PLCB4: variants seen among roughly 807,000 people sequenced by gnomAD.
PLCB4 encodes 1-phosphatidylinositol 4,5-bisphosphate phosphodiesterase beta-4.
PLCB4 carries 77 observed loss-of-function variants against 178.8 expected under a neutral mutation model. That is an observed-to-expected ratio of 0.43 (90% CI 0.36 to 0.52). PLCB4 has a LOEUF of 0.52. Among genes scored for constraint, PLCB4 ranks in the 20% least tolerant of loss-of-function variants. PLCB4 has a pLI of 0.00. For synonymous variants in PLCB4, 496 were observed against 490.8 expected, an observed-to-expected ratio of 1.01 and a Z score of -0.14; for missense variants, 1,024 against 1,453.4, an observed-to-expected ratio of 0.70 and a Z score of 4.80.
chr20:9,318,551 T>C (rs754257034), intron 4 of PLCB4, among the ~76,000 whole-genome samples: 7 of 152,182 alleles, frequency 4.6e-5, no homozygotes, highest in Non-Finnish European at 7.3e-5. Flanking sequence ...CTGACAGTCA[T>C]ATATGTCTGC....
At chr20:9,365,833 T>C (rs2035730445) in intron 9 of PLCB4, among the ~76,000 whole-genome samples, 1 of 152,214 alleles carries the variant, frequency 6.6e-6, no homozygotes, top group African/African-American at 2.4e-5. Context: ...TTATTTGCCA[T>C]GAGAAACTGT....
At chr20:9,151,574 T>A (rs8118617) in intron 2 of PLCB4, among the ~76,000 whole-genome samples, 3,165 of 152,270 alleles carry the variant, frequency 0.021, 44 homozygotes, top group Non-Finnish European at 0.031. Flanking sequence ...GCTGCCATGT[T>A]AGAAGTGCCT....
At chr20:9,268,252 T>G (rs1314131809) in intron 3 of PLCB4, among the ~76,000 whole-genome samples, 1 of 152,180 alleles carries the variant, frequency 6.6e-6, no homozygotes, top group Non-Finnish European at 1.5e-5. Flanking sequence ...TTTTTGGTTC[T>G]CATTGAACCC....
In PLCB4 at chr20:9,378,938, C is replaced by T. The variant is rs567221105; in HGVS notation, c.745-1116C>T. On this transcript the variant is annotated intron_variant, in intron 12 of 39. Transcript: ENST00000378473. ...AATAGGGAAGGGAAATCCATATGAA[C>T]TTTTAACAGTTGCTTTTTAAATACC... Among the ~76,000 whole-genome samples the T allele has an allele frequency of 1.0e-3, 152 of 152,198 alleles. 2 individuals carry two copies. The highest frequency in any genetic ancestry group is 2.1e-4 in the Non-Finnish European group (14 of 68,004).
intron 5 of PLCB4, 139 bp downstream of exon 5, chr20:9,337,345 G>A (rs1023558065): frequency 4.1e-5 from 27 of 652,960 alleles, no homozygotes; most frequent in Non-Finnish European, 6.7e-5. Context: ...GCCTACATGT[G>A]CCAGGCATTG....
chr20:9,450,496 C>G (rs1479461206), intron 32 of PLCB4, among the ~76,000 whole-genome samples: 1 of 152,132 alleles, frequency 6.6e-6, no homozygotes, highest in Non-Finnish European at 1.5e-5. Context: ...TTTTTCAGGA[C>G]CAGCTTTCCT....
At chr20:9,071,935 G>A (rs1241079335) in intron 1 of PLCB4, among the ~76,000 whole-genome samples, 2 of 152,184 alleles carry the variant, frequency 1.3e-5, no homozygotes, top group Non-Finnish European at 1.5e-5. Flanking sequence ...TACCACAGTT[G>A]AGTCCCTGTA....
intron 36 of PLCB4, among the ~76,000 whole-genome samples, chr20:9,472,328 T>G (rs2044247826): frequency 6.6e-6 from 1 of 152,224 alleles, no homozygotes; most frequent in South Asian, 2.1e-4. Context: ...CTGTGGTTTT[T>G]ATCATCTCTC....
chr20:9,214,560 G>GACACACACACACACAC (rs11474652), intron 2 of PLCB4, among the ~76,000 whole-genome samples: 15 of 145,488 alleles, frequency 1.0e-4, no homozygotes, highest in African/African-American at 3.3e-4. Flanking sequence ...AAACACCCCA[G>GACACACACACACACAC]ACACACACAC....
At chr20:9,361,644 T>C (rs550297888) in intron 7 of PLCB4, among the ~76,000 whole-genome samples, 1 of 152,040 alleles carries the variant, frequency 6.6e-6, no homozygotes, top group East Asian at 1.9e-4. Flanking sequence ...AATGTTATGT[T>C]ATGTCCATTT....
intron 35 of PLCB4, among the ~76,000 whole-genome samples, chr20:9,465,813 T>G (rs2043739881): frequency 6.6e-6 from 1 of 152,246 alleles, no homozygotes; most frequent in Non-Finnish European, 1.5e-5. Context: ...GAACATTCCA[T>G]GCTCATGGAT....
chr20:9,385,249 C>T (rs764451328), intron 14 of PLCB4, among the ~76,000 whole-genome samples: 104 of 152,298 alleles, frequency 6.8e-4, no homozygotes, highest in Non-Finnish European at 7.8e-4. Context: ...TCTTTCTTTT[C>T]CCCACATTTC....
chr20:9,337,560 G>A (rs1343509498), intron 5 of PLCB4, among the ~76,000 whole-genome samples: 2 of 152,168 alleles, frequency 1.3e-5, no homozygotes, highest in African/African-American at 4.8e-5. Context: ...TACATTAAAA[G>A]TGTGTTCATC....
In PLCB4 at chr20:9,234,989, T is replaced by C. The variant is rs923854394; in HGVS notation, c.-16+17537T>C. ...TGCAGTTGCTTAGTAGAGAATGAAGTGTAACCATGTTTGGGGAATTAACAA... is the reference window on the plus strand; with the variant it reads ...TGCAGTTGCTTAGTAGAGAATGAAGCGTAACCATGTTTGGGGAATTAACAA... On this transcript the variant is annotated intron_variant, in intron 3 of 39. Transcript: ENST00000378473. Among the ~76,000 whole-genome samples the C allele has an allele frequency of 3.3e-5, 5 of 152,176 alleles. No individual in the cohort carries two copies. In the East Asian group the frequency reaches 7.7e-4, roughly 23 times the overall value.
intron 2 of PLCB4, among the ~76,000 whole-genome samples, chr20:9,157,691 T>C (rs971291678): frequency 6.6e-5 from 10 of 152,200 alleles, no homozygotes; most frequent in African/African-American, 1.7e-4. Context: ...CCTTCTCTTA[T>C]GTTGTAATTC....
chr20:9,293,769 G>A (rs1456575474), intron 3 of PLCB4, among the ~76,000 whole-genome samples: 1 of 152,158 alleles, frequency 6.6e-6, no homozygotes. Context: ...AGGGTGGTGA[G>A]TTCTTCAAAG....
chr20:9,173,293 C>A (rs903459277), intron 2 of PLCB4, among the ~76,000 whole-genome samples: 2 of 152,218 alleles, frequency 1.3e-5, no homozygotes, highest in African/African-American at 4.8e-5. Flanking sequence ...TGGTCCTGCA[C>A]AGTGTTACTA....
chr20:9,468,735 C>G, intron 36 of PLCB4, 63 bp downstream of exon 36: 6 of 936,578 alleles, frequency 6.4e-6, no homozygotes, highest in Non-Finnish European at 1.0e-5. Flanking sequence ...TCTCAACTTT[C>G]TTTATGTGTG....
rs113994584 is a variant in PLCB4 at position 9,363,392 on chromosome 20, G to A, written c.449+417G>A. Among the ~76,000 whole-genome samples the A allele has an allele frequency of 3.3e-3, 507 of 152,232 alleles. 2 individuals carry two copies. Among genetic ancestry groups the A allele is most frequent in the African/African-American group, 0.011 (476 of 41,536 alleles). The stretch of plus-strand genomic sequence containing the variant: ...GTGACCAAGAGACGCACTTGCCAAT[G>A]CACCTGAAAAAGAAGCCTCAGCCCC... On this transcript the variant is annotated intron_variant, in intron 8 of 39. Coordinates refer to ENST00000378473, the MANE Select transcript of PLCB4 (RefSeq NM_001377142.1).
Sources: allele counts gnomAD v4.1 joint callset (sites outside exome capture counted in the v4.1 genomes callset), GRCh38; gene constraint gnomAD v4.1.1; transcripts MANE v1.5; gene names NCBI Gene and HGNC (gene_info 2026-07-23, HGNC 2026-07-21).